SLC24A2: variants seen among roughly 807,000 people sequenced by gnomAD.
SLC24A2 encodes the protein solute carrier family 24 member 2.
A neutral mutation model predicts 62.0 loss-of-function variants in SLC24A2; 36 were observed. The ratio of observed to expected loss-of-function variants is 0.58; its 90% CI spans 0.44 to 0.77. The LOEUF is 0.77. Ranked by LOEUF, SLC24A2 falls within the 30% of genes least tolerant of loss-of-function variation. SLC24A2 has a pLI of 0.00. For missense variants in SLC24A2, 846 were observed against 817.9 expected (o/e 1.03, Z -0.42); for synonymous variants, 358 against 294.0 (o/e 1.22, Z -2.23).
At chr9:19,535,923 T>G (rs1282215805) in intron 8 of SLC24A2, among the ~76,000 whole-genome samples, 1 of 150,572 alleles carries the variant, frequency 6.6e-6, no homozygotes, top group African/African-American at 2.5e-5. Context: ...ATCTATAAAT[T>G]ACTTTGGAAA....
the SLC24A2 span, among the ~76,000 whole-genome samples, chr9:20,010,132 C>A: frequency 6.6e-6 from 1 of 152,184 alleles, no homozygotes; most frequent in Non-Finnish European, 1.5e-5. Context: ...ATACCATTCT[C>A]CCTCAGAACA....
At chr9:19,864,293 G>A in the SLC24A2 span, among the ~76,000 whole-genome samples, 1 of 151,802 alleles carries the variant, frequency 6.6e-6, no homozygotes. Context: ...AAAAAATAGA[G>A]GAGGCAGAGG....
the SLC24A2 span, among the ~76,000 whole-genome samples, chr9:20,205,943 A>G: frequency 6.6e-6 from 1 of 152,138 alleles, no homozygotes; most frequent in African/African-American, 2.4e-5. Flanking sequence ...TTATATTTAT[A>G]CTGTATTTAT....
intron 2 of SLC24A2, among the ~76,000 whole-genome samples, chr9:19,645,414 T>G (rs1818613942): frequency 6.6e-6 from 1 of 152,154 alleles, no homozygotes; most frequent in African/African-American, 2.4e-5. Context: ...TTTGCATAGT[T>G]TAGTTTGTGA....
intron 7 of SLC24A2, among the ~76,000 whole-genome samples, chr9:19,551,695 T>A (rs913882237): frequency 6.6e-6 from 1 of 152,082 alleles, no homozygotes; most frequent in Admixed American, 6.5e-5. Context: ...AGCACCTGTG[T>A]CCCTACAGAG....
chr9:20,096,415 C>G, the SLC24A2 span, among the ~76,000 whole-genome samples: 4 of 152,116 alleles, frequency 2.6e-5, no homozygotes, highest in Non-Finnish European at 5.9e-5. Flanking sequence ...GTTATTGACT[C>G]TCCTTTCCCT....
At chr9:19,936,290 T>C in the SLC24A2 span, among the ~76,000 whole-genome samples, 1 of 152,196 alleles carries the variant, frequency 6.6e-6, no homozygotes, top group African/African-American at 2.4e-5. Context: ...ATTATTATTA[T>C]TTGAGACACA....
At chr9:20,273,528 A>G in the SLC24A2 span, among the ~76,000 whole-genome samples, 2 of 152,250 alleles carry the variant, frequency 1.3e-5, no homozygotes, top group African/African-American at 4.8e-5. Context: ...ATGATAGTGA[A>G]TGGGTCTCAT....
chr9:19,806,864 A>G, the SLC24A2 span, among the ~76,000 whole-genome samples: 1 of 152,174 alleles, frequency 6.6e-6, no homozygotes, highest in Admixed American at 6.5e-5. Flanking sequence ...TATTTTCACA[A>G]GTAGGTCCCT....
chr9:19,594,547 C>A (rs1296408524), intron 5 of SLC24A2, among the ~76,000 whole-genome samples: 1 of 152,154 alleles, frequency 6.6e-6, no homozygotes, highest in African/African-American at 2.4e-5. Flanking sequence ...TGACCTCACA[C>A]AACATCCAGA....
chr9:19,906,035 C>G, the SLC24A2 span, among the ~76,000 whole-genome samples: 3 of 152,158 alleles, frequency 2.0e-5, no homozygotes, highest in Admixed American at 1.3e-4. Context: ...TTCTTTTCAG[C>G]ACCACACCAC....
At chr9:20,246,655 A>C in the SLC24A2 span, among the ~76,000 whole-genome samples, 1 of 152,244 alleles carries the variant, frequency 6.6e-6, no homozygotes, top group African/African-American at 2.4e-5. Context: ...GAGGGAAAAA[A>C]TTCAATCACA....
chr9:20,184,913 A>G, the SLC24A2 span, among the ~76,000 whole-genome samples: 2 of 152,192 alleles, frequency 1.3e-5, no homozygotes, highest in East Asian at 1.9e-4. Context: ...ATAAAATACT[A>G]TTCAACCTAA....
rs921356277 is a variant in SLC24A2, at chr9:19,710,084, T to G, written c.930+75853A>C. 3.3e-5 allele frequency among the ~76,000 whole-genome samples: 5 copies of G among 152,066 alleles called. No homozygotes were observed. The East Asian group carries it at 9.7e-4, about 29-fold the overall frequency. ...TCCCTAATCCTCCTGTGGAAGGATG[T>G]CTTTGGGAGAGAAGAGGGTACAGAA... On this transcript the variant is annotated intron_variant, in intron 2 of 10. Coordinates refer to ENST00000341998, the MANE Select transcript of SLC24A2 (RefSeq NM_020344.4).
At chr9:19,579,180 T>C (rs1836127285) in intron 5 of SLC24A2, among the ~76,000 whole-genome samples, 1 of 152,106 alleles carries the variant, frequency 6.6e-6, no homozygotes, top group Non-Finnish European at 1.5e-5. Flanking sequence ...AAAGAAATCC[T>C]GGAGACTAGG....
At chr9:19,797,382 C>T in the SLC24A2 span, among the ~76,000 whole-genome samples, 11 of 152,200 alleles carry the variant, frequency 7.2e-5, no homozygotes, top group Admixed American at 7.2e-4. Flanking sequence ...TATATTTGTT[C>T]TGGCCTGGTT....
At chr9:20,012,431 C>T in the SLC24A2 span, among the ~76,000 whole-genome samples, 1 of 152,184 alleles carries the variant, frequency 6.6e-6, no homozygotes, top group African/African-American at 2.4e-5. Flanking sequence ...CTGGGTCCCT[C>T]CCGCAACATG....
chr9:19,877,703 C>CA, the SLC24A2 span, among the ~76,000 whole-genome samples: 5 of 151,816 alleles, frequency 3.3e-5, no homozygotes, highest in African/African-American at 1.2e-4. Flanking sequence ...CAGAAACACT[C>CA]AGAGACAGGA....
Position 19,515,891 on chromosome 9 carries a change from C to T in SLC24A2, c.*262G>A. 8 of 475,716 alleles carry T rather than the reference C, an allele frequency of 1.7e-5. No individual in the cohort carries two copies. The highest frequency in any genetic ancestry group is 1.6e-4 in the South Asian group (8 of 48,958). The allele number at this position is 475,716 out of a possible 1,614,324, so 29.5% of individuals were successfully genotyped here. Reference sequence around the variant, plus strand: ...CTGTACCTCCGACCAGCGAGGTGTACTTGTCAGTGGTGAATAGGGAGAAGC... The same window carrying T: ...CTGTACCTCCGACCAGCGAGGTGTATTTGTCAGTGGTGAATAGGGAGAAGC... On this transcript the variant is annotated 3_prime_UTR_variant, in exon 11 of 11. Transcript: ENST00000341998.
Sources: gnomAD v4.1 joint callset for allele counts (sites outside exome capture counted in the v4.1 genomes callset) on GRCh38, gnomAD v4.1.1 for gene constraint, MANE v1.5 for transcripts, NCBI Gene and HGNC (gene_info 2026-07-23, HGNC 2026-07-21) for gene names.